The following RPSA2 variants were observed in gnomAD, a reference collection of about 807,000 sequenced individuals.
RPSA2 encodes small ribosomal subunit protein uS2B.
chr19:23,865,674 C>G, the RPSA2 span, among the ~76,000 whole-genome samples: 1 of 152,114 alleles, frequency 6.6e-6, no homozygotes, highest in African/African-American at 2.4e-5. Flanking sequence ...GCCACCCCCT[C>G]CAATAACAGA....
the RPSA2 span, among the ~76,000 whole-genome samples, chr19:23,841,481 C>A: frequency 6.6e-6 from 1 of 152,110 alleles, no homozygotes; most frequent in Non-Finnish European, 1.5e-5. Flanking sequence ...AAAACAAAAA[C>A]CTGTATTATT....
At chr19:23,857,396 C>A in the RPSA2 span, among the ~76,000 whole-genome samples, 1 of 151,968 alleles carries the variant, frequency 6.6e-6, no homozygotes, top group Non-Finnish European at 1.5e-5. Flanking sequence ...TCTACCGTGG[C>A]TCCAGCCGGT....
chr19:23,845,347 G>C, the RPSA2 span, among the ~76,000 whole-genome samples: 4 of 149,832 alleles, frequency 2.7e-5, no homozygotes, highest in African/African-American at 7.4e-5. Context: ...TATGATGTCA[G>C]GTCCTTAACA....
chr19:23,846,642 A>ATT, the RPSA2 span, among the ~76,000 whole-genome samples: 3 of 152,140 alleles, frequency 2.0e-5, no homozygotes, highest in Non-Finnish European at 2.9e-5. Context: ...TTGATGTAAA[A>ATT]TTTTTGGCTG....
the RPSA2 span, among the ~76,000 whole-genome samples, chr19:23,782,967 ACT>A: frequency 2.6e-5 from 4 of 151,746 alleles, no homozygotes; most frequent in Admixed American, 2.6e-4. Context: ...AGGTGATGTG[ACT>A]CTCTGCTACT....
the RPSA2 span, among the ~76,000 whole-genome samples, chr19:23,764,220 T>C: frequency 6.6e-6 from 1 of 152,170 alleles, no homozygotes; most frequent in Non-Finnish European, 1.5e-5. Context: ...GACTTCCTAA[T>C]GTATGGCAAG....
At chr19:23,773,680 T>C in the RPSA2 span, among the ~76,000 whole-genome samples, 1 of 152,286 alleles carries the variant, frequency 6.6e-6, no homozygotes, top group East Asian at 1.9e-4. Flanking sequence ...CTCTCACACA[T>C]AGAGGTAGTC....
the RPSA2 span, chr19:23,808,696 G>A: frequency 1.6e-6 from 1 of 617,666 alleles, no homozygotes; most frequent in Non-Finnish European, 2.9e-6. Context: ...CAAGATTCAT[G>A]TTAGTTATTT....
At chr19:23,796,744 T>G in the RPSA2 span, among the ~76,000 whole-genome samples, 2 of 152,224 alleles carry the variant, frequency 1.3e-5, no homozygotes, top group South Asian at 4.1e-4. Context: ...CACAGAGGTA[T>G]TAATAGTAGA....
chr19:23,786,777 C>T, the RPSA2 span, among the ~76,000 whole-genome samples: 1 of 151,888 alleles, frequency 6.6e-6, no homozygotes, highest in Non-Finnish European at 1.5e-5. Flanking sequence ...TTTTCAGGCT[C>T]CGCATATTTG....
At chr19:23,781,777 T>C in the RPSA2 span, among the ~76,000 whole-genome samples, 1 of 152,202 alleles carries the variant, frequency 6.6e-6, no homozygotes, top group African/African-American at 2.4e-5. Context: ...TGTGTGTAAT[T>C]GTTAATGTCA....
the RPSA2 span, among the ~76,000 whole-genome samples, chr19:23,815,989 G>C: frequency 1.8e-5 from 1 of 55,318 alleles, no homozygotes; most frequent in African/African-American, 5.6e-5. Context: ...TTCATAAAAT[G>C]TAGTTGTTTT....
the RPSA2 span, among the ~76,000 whole-genome samples, chr19:23,807,574 A>G: frequency 6.6e-6 from 1 of 152,200 alleles, no homozygotes; most frequent in Non-Finnish European, 1.5e-5. Flanking sequence ...CTATGCCCTC[A>G]ATTTTATACT....
the RPSA2 span, among the ~76,000 whole-genome samples, chr19:23,850,956 C>A: frequency 1.3e-5 from 2 of 152,122 alleles, no homozygotes; most frequent in African/African-American, 4.8e-5. Flanking sequence ...GTAAGGGATT[C>A]TGGTAATATG....
chr19:23,833,068 T>C, the RPSA2 span: 1 of 1,323,276 alleles, frequency 7.6e-7, no homozygotes, highest in Non-Finnish European at 9.8e-7. Flanking sequence ...GTGTGAAGAA[T>C]GTGGCAAATC....
the RPSA2 span, among the ~76,000 whole-genome samples, chr19:23,815,652 G>T: frequency 1.3e-5 from 2 of 152,048 alleles, no homozygotes; most frequent in African/African-American, 4.8e-5. Flanking sequence ...TCCTCTATAT[G>T]CAAAATGATT....
chr19:23,819,198 T>A, the RPSA2 span: 2 of 152,200 alleles, frequency 1.3e-5, no homozygotes, highest in Non-Finnish European at 2.9e-5. Context: ...CCTCGAGCTT[T>A]GGCCGTACAT....
chr19:23,766,599 C>T, the RPSA2 span, among the ~76,000 whole-genome samples: 1 of 151,440 alleles, frequency 6.6e-6, no homozygotes, highest in South Asian at 2.1e-4. Flanking sequence ...GGACTACAGG[C>T]GCCCACCACC....
the RPSA2 span, among the ~76,000 whole-genome samples, chr19:23,807,419 CAT>C: frequency 6.6e-6 from 1 of 152,182 alleles, no homozygotes; most frequent in Non-Finnish European, 1.5e-5. Flanking sequence ...TTATTGTACA[CAT>C]TAAAATTTGA....
Sources: gnomAD v4.1 joint callset for allele counts (sites outside exome capture counted in the v4.1 genomes callset) on GRCh38, gnomAD v4.1.1 for gene constraint, MANE v1.5 for transcripts, NCBI Gene and HGNC (gene_info 2026-07-23, HGNC 2026-07-21) for gene names.